ARHGAP44: variants seen among roughly 807,000 people sequenced by gnomAD.
The protein encoded by ARHGAP44 is rho GTPase-activating protein 44.
ARHGAP44 carries 43 observed loss-of-function variants against 106.8 expected under a neutral mutation model. The observed-to-expected ratio is 0.40, with a 90% CI of 0.32 to 0.52. ARHGAP44 has a LOEUF of 0.52. Among genes scored for constraint, ARHGAP44 ranks in the 20% least tolerant of loss-of-function variants. The pLI, the probability that ARHGAP44 is intolerant of heterozygous loss-of-function variation, is 0.48. For synonymous variants in ARHGAP44, 439 were observed against 410.3 expected, an observed-to-expected ratio of 1.07 and a Z score of -0.85; for missense variants, 866 against 1,050.5, an observed-to-expected ratio of 0.82 and a Z score of 2.43.
rs1598061372 is a variant in ARHGAP44, at chr17:12,923,604, A to G, written c.464+3773A>G. Among the ~76,000 whole-genome samples the G allele has an allele frequency of 2.0e-5, 3 of 152,108 alleles. 1 individual carries two copies. In the South Asian group the frequency reaches 6.2e-4, roughly 32 times the overall value. Reference sequence around the variant, plus strand: ...TCAGCTTTGGTAACCGTGGCGGGAGATCTAACTCAAGGCCTCAAGTTATAG... The same window carrying G: ...TCAGCTTTGGTAACCGTGGCGGGAGGTCTAACTCAAGGCCTCAAGTTATAG... On this transcript the variant is annotated intron_variant, in intron 6 of 20. Transcript: ENST00000379672.
At position 12,817,558 on chromosome 17, in the gene ARHGAP44, G is replaced by GA. The variant is rs955275373; in HGVS notation, c.53+27674dup. On this transcript the variant is annotated intron_variant, in intron 1 of 20. Coordinates refer to ENST00000379672, the MANE Select transcript of ARHGAP44 (RefSeq NM_014859.6). Reference sequence around the variant, plus strand: ...GTAGAAATCACTGAAATAGAAAACAGAAAAAAATTAGAATAAATGAAAACA... The same window carrying GA: ...GTAGAAATCACTGAAATAGAAAACAGAAAAAAAATTAGAATAAATGAAAACA... Among the ~76,000 whole-genome samples the GA allele has an allele frequency of 3.3e-5, 5 of 151,584 alleles. No homozygotes were observed. The East Asian group carries it at 9.6e-4, about 29-fold the overall frequency.
chr17:12,983,918 A>G (rs2039893843), intron 19 of ARHGAP44, among the ~76,000 whole-genome samples: 1 of 152,262 alleles, frequency 6.6e-6, no homozygotes, highest in Non-Finnish European at 1.5e-5. Context: ...ATGAGAAGAA[A>G]GCCTCAGCAG....
At chr17:12,942,016 G>A (rs893519436) in intron 8 of ARHGAP44, among the ~76,000 whole-genome samples, 1 of 152,112 alleles carries the variant, frequency 6.6e-6, no homozygotes, top group Non-Finnish European at 1.5e-5. Context: ...TGATAAGTAT[G>A]GTCAAACAAC....
intron 19 of ARHGAP44, among the ~76,000 whole-genome samples, chr17:12,981,604 G>C (rs1453138063): frequency 6.6e-6 from 1 of 151,834 alleles, no homozygotes; most frequent in Non-Finnish European, 1.5e-5. Flanking sequence ...CACCATGTTG[G>C]CCAGACTGGT....
intron 18 of ARHGAP44, among the ~76,000 whole-genome samples, chr17:12,975,732 A>G (rs967557667): frequency 7.3e-6 from 1 of 136,390 alleles, no homozygotes; most frequent in South Asian, 2.4e-4. Context: ...CAGGAGGCGG[A>G]GCTTGCAGTG....
chr17:12,820,991 A>T (rs183770925), intron 1 of ARHGAP44, among the ~76,000 whole-genome samples: 1 of 152,300 alleles, frequency 6.6e-6, no homozygotes, highest in East Asian at 1.9e-4. Flanking sequence ...ACTGTAGTTA[A>T]CTGCCCTAAT....
Position 12,864,070 on chromosome 17 carries a change from A to C in ARHGAP44, c.54-30870A>C, listed in dbSNP as rs77580162. On this transcript the variant is annotated intron_variant, in intron 1 of 20. Transcript: ENST00000379672. ...ATGTCACCTACCCTGGGATGTCATTACTGTCACATTTTATTTGATGAAGCA... is the reference window on the plus strand; with the variant it reads ...ATGTCACCTACCCTGGGATGTCATTCCTGTCACATTTTATTTGATGAAGCA... Among the ~76,000 whole-genome samples, 2,476 of 152,248 alleles carry C rather than the reference A, an allele frequency of 0.016. 224 individuals carry two copies. In the East Asian group the frequency reaches 0.28, roughly 17 times the overall value.
chr17:12,806,614 G>A (rs1476240601), intron 1 of ARHGAP44, among the ~76,000 whole-genome samples: 1 of 152,176 alleles, frequency 6.6e-6, no homozygotes, highest in African/African-American at 2.4e-5. Context: ...TCTCCCCATA[G>A]TTTTTGGTTA....
intron 3 of ARHGAP44, among the ~76,000 whole-genome samples, chr17:12,898,346 G>A (rs1410127569): frequency 6.6e-6 from 1 of 152,182 alleles, no homozygotes; most frequent in East Asian, 1.9e-4. Context: ...CATGCTGTGA[G>A]TGAGTTGTTT....
intron 1 of ARHGAP44, among the ~76,000 whole-genome samples, chr17:12,817,218 A>G (rs372828653): frequency 6.6e-6 from 1 of 152,114 alleles, no homozygotes; most frequent in Non-Finnish European, 1.5e-5. Context: ...GAACTGAATG[A>G]AAATGAAAAC....
chr17:12,918,310 G>A (rs1403054964), intron 5 of ARHGAP44, among the ~76,000 whole-genome samples: 10 of 152,122 alleles, frequency 6.6e-5, no homozygotes, highest in African/African-American at 9.7e-5. Context: ...ATCCCTGCTC[G>A]GGAGAGTGAA....
At chr17:12,882,183 A>T (rs1035922625) in intron 1 of ARHGAP44, among the ~76,000 whole-genome samples, 1 of 152,072 alleles carries the variant, frequency 6.6e-6, no homozygotes, top group Non-Finnish European at 1.5e-5. Context: ...CTAATTTTTA[A>T]ATTTTTCCCT....
intron 1 of ARHGAP44, among the ~76,000 whole-genome samples, chr17:12,894,678 CA>C (rs1226294191): frequency 6.6e-6 from 1 of 151,646 alleles, no homozygotes; most frequent in African/African-American, 2.4e-5. Context: ...TATCTGGAAA[CA>C]AAGGCATACA....
At chr17:12,862,317 C>T (rs963064324) in intron 1 of ARHGAP44, among the ~76,000 whole-genome samples, 1 of 152,116 alleles carries the variant, frequency 6.6e-6, no homozygotes, top group Non-Finnish European at 1.5e-5. Context: ...GTCCTTAGGG[C>T]CACTAAGGCC....
At position 12,980,087 on chromosome 17, in the gene ARHGAP44, G is replaced by C. The variant is rs777200360; in HGVS notation, c.1793G>C (p.Gly598Ala). ...ACAAAAAGCAAGGAACTTTCTCCAG[G>C]CTCTGCACAGAAAGGAAGTCCAGGC... ...STTKSKELSPGSAQKGSPGSS... is the reference protein window; with the variant it reads ...STTKSKELSPASAQKGSPGSS... The change falls in exon 19 of 21, where the codon GGC becomes GCC. Residue 598 changes from glycine to alanine, a missense_variant. Gly to Ala is a moderately conservative substitution (Grantham distance 60). Coordinates refer to ENST00000379672, the MANE Select transcript of ARHGAP44 (RefSeq NM_014859.6). 1.0e-4 allele frequency: 162 copies of C among 1,612,518 alleles called. No individual in the cohort carries two copies. The highest frequency in any genetic ancestry group is 1.3e-4 in the Non-Finnish European group (154 of 1,179,132).
chr17:12,846,754 A>G (rs1040072187), intron 1 of ARHGAP44, among the ~76,000 whole-genome samples: 3 of 152,256 alleles, frequency 2.0e-5, no homozygotes, highest in Admixed American at 6.5e-5. Flanking sequence ...AGAATGAATG[A>G]AAAACAGGAC....
intron 1 of ARHGAP44, among the ~76,000 whole-genome samples, chr17:12,795,569 T>C (rs1206544245): frequency 2.0e-5 from 3 of 152,038 alleles, no homozygotes; most frequent in African/African-American, 7.2e-5. Flanking sequence ...ATTTTTTTTT[T>C]CTCTAGAGAA....
At chr17:12,969,894 A>G (rs928347509) in intron 16 of ARHGAP44, among the ~76,000 whole-genome samples, 11 of 152,224 alleles carry the variant, frequency 7.2e-5, no homozygotes. Flanking sequence ...AGAGAGCTCT[A>G]CTGAGTCAGC....
chr17:12,940,171 G>A (rs760644491), intron 7 of ARHGAP44, among the ~76,000 whole-genome samples: 2 of 152,156 alleles, frequency 1.3e-5, no homozygotes, highest in Admixed American at 6.5e-5. Context: ...ACCTGAACAC[G>A]TAGGCTCTTC....
Sources: allele counts gnomAD v4.1 joint callset (sites outside exome capture counted in the v4.1 genomes callset), GRCh38; gene constraint gnomAD v4.1.1; transcripts MANE v1.5; gene names NCBI Gene and HGNC (gene_info 2026-07-23, HGNC 2026-07-21).